Variants in CLCN1 observed in about 807,000 individuals in gnomAD.
The protein encoded by CLCN1 is chloride voltage-gated channel 1.
CLCN1 carries 100 observed loss-of-function variants against 114.5 expected under a neutral mutation model. The ratio of observed to expected loss-of-function variants is 0.87; its 90% CI spans 0.74 to 1.03. CLCN1 has a LOEUF of 1.03. Among genes scored for constraint, CLCN1 ranks in the 50% least tolerant of loss-of-function variants. CLCN1 has a pLI of 0.00. For synonymous variants in CLCN1, 485 were observed against 487.1 expected (o/e 1.00, Z 0.06); for missense variants, 1,188 against 1,250.0 (o/e 0.95, Z 0.75).
chr7:143,333,582 A>G (rs971430024), intron 12 of CLCN1, among the ~76,000 whole-genome samples: 1 of 152,186 alleles, frequency 6.6e-6, no homozygotes, highest in Non-Finnish European at 1.5e-5. Flanking sequence ...CTGATGATCC[A>G]TTTTTTAGGT....
chr7:143,336,084 A>G (rs1438606165), intron 12 of CLCN1, among the ~76,000 whole-genome samples: 1 of 152,152 alleles, frequency 6.6e-6, no homozygotes, highest in Non-Finnish European at 1.5e-5. Context: ...TACCATTCCA[A>G]ATTCTCAGTT....
chr7:143,320,181 CTGAGGCTGGTCT>C (rs1802387456), intron 2 of CLCN1, among the ~76,000 whole-genome samples: 1 of 152,126 alleles, frequency 6.6e-6, no homozygotes, highest in Non-Finnish European at 1.5e-5. Flanking sequence ...TGTAAGGATG[CTGAGGCTGGTCT>C]TGAACTCCTG....
chr7:143,338,030 G>A (rs1802959232), intron 12 of CLCN1, among the ~76,000 whole-genome samples: 3 of 151,430 alleles, frequency 2.0e-5, no homozygotes, highest in Middle Eastern at 3.4e-3. Flanking sequence ...TTTTTTAGTG[G>A]AGACAGGGTT....
Position 143,319,781 on chromosome 7 carries a change from C to T in CLCN1, c.207C>T (p.Phe69=), listed in dbSNP as rs965481055. The T allele has an allele frequency of 4.3e-6, 7 of 1,613,852 alleles. No individual in the cohort carries two copies. Among genetic ancestry groups the T allele is most frequent in the Non-Finnish European group, 4.2e-6 (5 of 1,179,752 alleles). ...TQIYGHHKEQ[F]SDREQDIGMP... is the part of the protein sequence containing the mutation. ...TTTATGGCCATCACAAAGAACAATT[C>T]TCAGACAGGGAGCAGGACATAGGGA... Residue 69 remains phenylalanine (F), a synonymous_variant, in exon 2 of 23, where the codon TTC becomes TTT. Coordinates refer to ENST00000343257, the MANE Select transcript of CLCN1 (RefSeq NM_000083.3).
In CLCN1 at chr7:143,321,237, A is replaced by T; in HGVS notation, c.434-128A>T. On this transcript the variant is annotated intron_variant, in intron 3 of 22. Transcript: ENST00000343257. This position sits in a 1 kb window ranked among gnomAD's most constrained non-coding sequence, Gnocchi z 4.2. ...TCAGGCTTCCCATGTGTCAAATGAG[A>T]GCAGCACCATCTCAGAAGGGGCACA... 9.0e-7 allele frequency: 1 copy of T among 1,112,454 alleles called. No homozygotes were observed. The highest frequency in any genetic ancestry group is 1.3e-6 in the Non-Finnish European group (1 of 755,320). 68.9% of individuals were successfully genotyped at this position (1,112,454 alleles called of 1,614,324 possible).
At position 143,350,424 on chromosome 7, in the gene CLCN1, G is replaced by A. The variant is rs527592146; in HGVS notation, c.2456G>A (p.Cys819Tyr). Residue 819 changes from cysteine to tyrosine, a missense_variant, in exon 21 of 23, where the codon TGC (cysteine) becomes TAC (tyrosine). Coordinates refer to ENST00000343257, the MANE Select transcript of CLCN1 (RefSeq NM_000083.3). The surrounding 1 kb of genome is among the most constrained non-coding windows in gnomAD (Gnocchi z 5.1). ...QLSQPVCFDSCCIDQSPFQLV... is the reference protein window; with the variant it reads ...QLSQPVCFDSYCIDQSPFQLV... ...AGCCAGCCTGTCTGTTTTGATTCCTGCTGTATTGACCAGTCTCCCTTCCAG... is the reference window on the plus strand; with the variant it reads ...AGCCAGCCTGTCTGTTTTGATTCCTACTGTATTGACCAGTCTCCCTTCCAG... 1 of 1,614,226 alleles carries A rather than the reference G, an allele frequency of 6.2e-7. No individual in the cohort carries two copies. The highest frequency in any genetic ancestry group is 1.3e-5 in the African/African-American group (1 of 75,042).
chr7:143,329,060 C>T (rs768456349), intron 7 of CLCN1, among the ~76,000 whole-genome samples: 25 of 151,444 alleles, frequency 1.7e-4, no homozygotes, highest in African/African-American at 2.4e-4. Flanking sequence ...CTGCGTCTCC[C>T]GGGTTCAAGC....
chr7:143,316,431 G>A lies in CLCN1; in HGVS notation c.180+39G>A, dbSNP rs761745910. ...AGGGGAGAGGGGAGCCATGGATGAG[G>A]GGAGACAGTGGTGCCAGAGACTGGT... is the stretch of plus-strand genomic sequence containing the variant. On this transcript the variant is annotated intron_variant, in intron 1 of 22. Coordinates refer to ENST00000343257, the MANE Select transcript of CLCN1 (RefSeq NM_000083.3). 3 of 1,569,304 alleles carry A rather than the reference G, an allele frequency of 1.9e-6. No homozygotes were observed. The South Asian group carries it at 3.3e-5, about 17-fold the overall frequency.
At chr7:143,335,656 G>GTTT (rs199928109) in intron 12 of CLCN1, among the ~76,000 whole-genome samples, 10,884 of 105,128 alleles carry the variant, frequency 0.1, 730 homozygotes, top group South Asian at 0.21. Flanking sequence ...CAATTCAGCT[G>GTTT]TTTTGTTTTT....
At chr7:143,346,378 G>T in intron 18 of CLCN1, 127 bp downstream of exon 18, 1 of 751,872 alleles carries the variant, frequency 1.3e-6, no homozygotes, top group South Asian at 1.5e-5. Context: ...GGGGATTGAG[G>T]GAGGACAGGG....
At chr7:143,343,921 C>A (rs1803157567) in intron 16 of CLCN1, among the ~76,000 whole-genome samples, 1 of 152,126 alleles carries the variant, frequency 6.6e-6, no homozygotes, top group African/African-American at 2.4e-5. Flanking sequence ...CTCACTGCAA[C>A]CTCTGTCTCC....
intron 10 of CLCN1, among the ~76,000 whole-genome samples, chr7:143,332,119 G>A (rs113856683): frequency 6.6e-6 from 1 of 151,578 alleles, no homozygotes; most frequent in African/African-American, 2.4e-5. Context: ...ATGCACCACC[G>A]TGCCTGGCTA....
At chr7:143,333,012 G>A in intron 12 of CLCN1, 139 bp downstream of exon 12, 1 of 1,021,548 alleles carries the variant, frequency 9.8e-7, no homozygotes, top group Non-Finnish European at 1.5e-6. Context: ...GAAAACCATA[G>A]AGTTGGCCAG....
Position 143,333,980 on chromosome 7 carries a change from G to A in CLCN1, c.1401+1107G>A, listed in dbSNP as rs142467223. 2.9e-3 allele frequency among the ~76,000 whole-genome samples: 446 copies of A among 152,308 alleles called. 2 individuals are homozygous for A. The highest frequency in any genetic ancestry group is 0.01 in the Middle Eastern group (3 of 294). The stretch of plus-strand genomic sequence containing the variant: ...TATATTCCCAGCACTTTGGGAAGCC[G>A]AGAGAGGTGGGTCATCTGAGGTCAG... On this transcript the variant is annotated intron_variant, in intron 12 of 22. Transcript: ENST00000343257.
Position 143,331,232 on chromosome 7 carries a change from T to A in CLCN1, c.980T>A (p.Val327Asp). ...RVLAVWNKDA[V>D]TITALFRTNF... Reference sequence around the variant, plus strand: ...TAATACTGGCCTTTCCATCCTACAGTCACCATCACTGCTCTGTTCAGAACC... The same window carrying A: ...TAATACTGGCCTTTCCATCCTACAGACACCATCACTGCTCTGTTCAGAACC... The change falls in exon 9 of 23, where the codon GTC becomes GAC. Residue 327 changes from valine (V) to aspartate (D), a missense_variant and splice_region_variant. Val to Asp is a radical substitution (Grantham distance 152, BLOSUM62 -3). Coordinates refer to ENST00000343257, the MANE Select transcript of CLCN1 (RefSeq NM_000083.3). 1 of 1,607,496 alleles carries A rather than the reference T, an allele frequency of 6.2e-7. No individual in the cohort carries two copies. The highest frequency in any genetic ancestry group is 8.5e-7 in the Non-Finnish European group (1 of 1,173,960).
At chr7:143,316,511 AAAAC>A in intron 1 of CLCN1, 119 bp downstream of exon 1, 2 of 937,082 alleles carry the variant, frequency 2.1e-6, no homozygotes, top group Middle Eastern at 2.2e-4. Flanking sequence ...TTTAACTTAA[AAAAC>A]AAGTACGTGG....
At chr7:143,336,499 C>G (rs1411568353) in intron 12 of CLCN1, among the ~76,000 whole-genome samples, 2 of 150,872 alleles carry the variant, frequency 1.3e-5, no homozygotes, top group African/African-American at 4.9e-5. Context: ...AATCCCAGCT[C>G]CTCGGGAGGC....
intron 7 of CLCN1, among the ~76,000 whole-genome samples, chr7:143,328,488 T>G (rs555862647): frequency 1.3e-5 from 2 of 152,306 alleles, no homozygotes; most frequent in African/African-American, 4.8e-5. Context: ...AATATTAAAA[T>G]TAGCTCTCAT....
At chr7:143,320,525 A>G (rs1802395642) in intron 2 of CLCN1, 139 bp from the exon 3 acceptor site, 1 of 856,730 alleles carries the variant, frequency 1.2e-6, no homozygotes, top group African/African-American at 1.7e-5. Flanking sequence ...ATAGCACCCA[A>G]AGTAAAGTAG....
Sources: gnomAD v4.1 joint callset for allele counts (sites outside exome capture counted in the v4.1 genomes callset) on GRCh38, gnomAD v4.1.1 for gene constraint, Gnocchi (gnomAD v3.1) non-coding constraint, MANE v1.5 for transcripts, NCBI Gene and HGNC (gene_info 2026-07-23, HGNC 2026-07-21) for gene names.